The following STPG2 variants were observed in gnomAD, a reference collection of about 807,000 sequenced individuals.
STPG2 encodes sperm tail PG-rich repeat containing 2.
A neutral mutation model predicts 54.2 loss-of-function variants in STPG2; 56 were observed. The observed-to-expected ratio is 1.03, with a 90% CI of 0.83 to 1.29. The LOEUF is 1.29. Ranked by LOEUF, STPG2 falls within the 50% of genes most tolerant of loss-of-function variation. The probability of loss-of-function intolerance (pLI) is 0.00; values close to 1 mark genes in which losing one functional copy is unlikely to be tolerated. For missense variants in STPG2, 596 were observed against 544.9 expected, an observed-to-expected ratio of 1.09 and a Z score of -0.93; for synonymous variants, 200 against 181.8, an observed-to-expected ratio of 1.10 and a Z score of -0.81.
intron 10 of STPG2, among the ~76,000 whole-genome samples, chr4:97,693,091 C>T (rs747031458): frequency 1.3e-5 from 2 of 151,432 alleles, no homozygotes; most frequent in African/African-American, 2.4e-5. Flanking sequence ...AATAGAATTT[C>T]CTTAAAGCAC....
rs189422166 is a variant in STPG2 at position 97,691,481 on chromosome 4, A to C, written c.1320+21218T>G. On this transcript the variant is annotated intron_variant, in intron 10 of 10. Transcript: ENST00000295268. ...CCCCCTGGGAACATAACTCTATTGT[A>C]CTGGGAACCACAACTCCACTTCTCA... Among the ~76,000 whole-genome samples the C allele has an allele frequency of 1.4e-3, 210 of 152,098 alleles. 1 individual carries two copies. Among genetic ancestry groups the C allele is most frequent in the African/African-American group, 4.9e-3 (203 of 41,486 alleles).
At chr4:97,606,951 T>C (rs1056776960) in intron 10 of STPG2, among the ~76,000 whole-genome samples, 1 of 152,010 alleles carries the variant, frequency 6.6e-6, no homozygotes, top group South Asian at 2.1e-4. Flanking sequence ...TGTACTGACA[T>C]GGAACTACAG....
intron 6 of STPG2, among the ~76,000 whole-genome samples, chr4:97,973,787 G>A (rs1734415391): frequency 6.6e-6 from 1 of 152,070 alleles, no homozygotes; most frequent in South Asian, 2.1e-4. Context: ...AGCCTTGGCA[G>A]CTACGTATGG....
chr4:97,585,114 A>AC (rs1193252116), intron 10 of STPG2, among the ~76,000 whole-genome samples: 8 of 148,006 alleles, frequency 5.4e-5, no homozygotes, highest in South Asian at 2.1e-4. Flanking sequence ...AAAAAAAAAA[A>AC]AAAAAAAAAA....
intron 10 of STPG2, among the ~76,000 whole-genome samples, chr4:97,626,642 A>C (rs558044214): frequency 6.6e-6 from 1 of 152,220 alleles, no homozygotes; most frequent in African/African-American, 2.4e-5. Flanking sequence ...AGATATTTTA[A>C]CCAAATATAT....
chr4:97,879,123 C>A (rs931449207), intron 8 of STPG2, among the ~76,000 whole-genome samples: 2 of 151,962 alleles, frequency 1.3e-5, no homozygotes, highest in Non-Finnish European at 2.9e-5. Context: ...TTTCAGCCTG[C>A]ATTTCATTGT....
chr4:98,070,600 A>G (rs542157502), intron 5 of STPG2, among the ~76,000 whole-genome samples: 36 of 152,156 alleles, frequency 2.4e-4, no homozygotes, highest in Non-Finnish European at 4.3e-4. Flanking sequence ...ACATAATCCT[A>G]TATCTAGAAA....
intron 5 of STPG2, among the ~76,000 whole-genome samples, chr4:98,043,386 T>A (rs560370781): frequency 6.6e-6 from 1 of 152,240 alleles, no homozygotes; most frequent in Non-Finnish European, 1.5e-5. Context: ...TATTAACTAT[T>A]TGTCTTGTAG....
chr4:97,566,204 A>G (rs576414850), intron 10 of STPG2, among the ~76,000 whole-genome samples: 9 of 152,286 alleles, frequency 5.9e-5, no homozygotes, highest in Non-Finnish European at 1.0e-4. Context: ...TGTGCTAGCA[A>G]TCAGTGATAC....
intron 4 of STPG2, among the ~76,000 whole-genome samples, chr4:97,477,563 G>T (rs1475970542): frequency 6.9e-6 from 1 of 144,954 alleles, no homozygotes; most frequent in South Asian, 2.3e-4. Context: ...TGCAAGCTCC[G>T]CCTCCCAGGT....
intron 8 of STPG2, among the ~76,000 whole-genome samples, chr4:97,915,520 A>C (rs1048975663): frequency 2.6e-4 from 40 of 152,134 alleles, no homozygotes; most frequent in Admixed American, 2.6e-3. Context: ...AGAATGTGAC[A>C]AATCCTGGGG....
intron 5 of STPG2, among the ~76,000 whole-genome samples, chr4:98,051,525 T>C (rs773414678): frequency 9.5e-4 from 145 of 152,056 alleles, no homozygotes; most frequent in Admixed American, 2.1e-3. Flanking sequence ...TGAGCTGACA[T>C]GCTCCCTTGC....
At chr4:98,082,244 G>A (rs888030219) in intron 5 of STPG2, among the ~76,000 whole-genome samples, 1 of 151,896 alleles carries the variant, frequency 6.6e-6, no homozygotes, top group Non-Finnish European at 1.5e-5. Flanking sequence ...ATACATCTCG[G>A]TTTAGTCCTA....
intron 9 of STPG2, among the ~76,000 whole-genome samples, chr4:97,785,352 TAC>T (rs1201724694): frequency 1.3e-5 from 2 of 152,034 alleles, no homozygotes; most frequent in African/African-American, 2.4e-5. Context: ...AGAAAGTAAT[TAC>T]AGTCTATTTT....
At chr4:97,924,675 T>C (rs1218746927) in intron 8 of STPG2, among the ~76,000 whole-genome samples, 1 of 152,210 alleles carries the variant, frequency 6.6e-6, no homozygotes, top group Non-Finnish European at 1.5e-5. Flanking sequence ...ATTAGACATT[T>C]GAAGTCAATT....
At chr4:97,797,364 C>T (rs970767797) in intron 9 of STPG2, among the ~76,000 whole-genome samples, 2 of 152,166 alleles carry the variant, frequency 1.3e-5, no homozygotes, top group African/African-American at 2.4e-5. Flanking sequence ...CATGCCCCAT[C>T]AATACCTAAT....
At chr4:97,508,987 GTAAT>G (rs1730911194) in intron 4 of STPG2, among the ~76,000 whole-genome samples, 1 of 152,032 alleles carries the variant, frequency 6.6e-6, no homozygotes, top group African/African-American at 2.4e-5. Context: ...TGAATTAACT[GTAAT>G]TAATTAACCA....
chr4:97,491,590 T>G (rs779042896), intron 4 of STPG2, among the ~76,000 whole-genome samples: 1 of 151,482 alleles, frequency 6.6e-6, no homozygotes, highest in Admixed American at 6.6e-5. Flanking sequence ...TTAGTTTATA[T>G]GAAGAAGGGA....
chr4:97,524,980 CAT>C (rs1240298283), intron 4 of STPG2, among the ~76,000 whole-genome samples: 1 of 151,858 alleles, frequency 6.6e-6, no homozygotes, highest in Non-Finnish European at 1.5e-5. Context: ...AAAGATTCAA[CAT>C]TTAACAGTCA....
Sources: allele counts gnomAD v4.1 joint callset (sites outside exome capture counted in the v4.1 genomes callset), GRCh38; gene constraint gnomAD v4.1.1; transcripts MANE v1.5; gene names NCBI Gene and HGNC (gene_info 2026-07-23, HGNC 2026-07-21).